NLRP4: variants seen among roughly 807,000 people sequenced by gnomAD.
The protein encoded by NLRP4 is NLR family pyrin domain containing 4, also known as NACHT, LRR and PYD domains-containing protein 4.
In NLRP4, 44 loss-of-function variants were observed where a neutral mutation model predicts 84.7. The observed-to-expected ratio is 0.52, with a 90% CI of 0.41 to 0.67. NLRP4 has a LOEUF of 0.67. Among genes scored for constraint, NLRP4 ranks in the 30% least tolerant of loss-of-function variants. The pLI is 0.00. For synonymous variants in NLRP4, 544 were observed against 476.4 expected (o/e 1.14, Z -1.85); for missense variants, 1,260 against 1,219.4 (o/e 1.03, Z -0.50).
intron 1 of NLRP4, among the ~76,000 whole-genome samples, chr19:55,846,408 G>C (rs1483514725): frequency 1.3e-5 from 2 of 151,986 alleles, no homozygotes; most frequent in African/African-American, 4.8e-5. Flanking sequence ...CTCTGATCTT[G>C]ACACTGTCTC....
At chr19:55,869,385 A>G (rs1182889176) in intron 6 of NLRP4, among the ~76,000 whole-genome samples, 1 of 17,208 alleles carries the variant, frequency 5.8e-5, no homozygotes, top group Non-Finnish European at 1.3e-4. Context: ...AAATAAACCA[A>G]AAAAAAAACA....
intron 6 of NLRP4, among the ~76,000 whole-genome samples, chr19:55,870,394 GC>G (rs1985128801): frequency 6.6e-6 from 1 of 152,218 alleles, no homozygotes; most frequent in South Asian, 2.1e-4. Flanking sequence ...GGACGCGGTG[GC>G]TCACGCCTTG....
chr19:55,841,602 C>CAGG (rs1983615728), intron 1 of NLRP4, among the ~76,000 whole-genome samples: 1 of 152,146 alleles, frequency 6.6e-6, no homozygotes, highest in Non-Finnish European at 1.5e-5. Context: ...GTGGCTCATG[C>CAGG]CTGTAATCCC....
rs971621890 is a variant in NLRP4 at position 55,863,586 on chromosome 19, C to A, written c.2186+1427C>A. On this transcript the variant is annotated intron_variant, in intron 5 of 9. Coordinates refer to ENST00000301295, the MANE Select transcript of NLRP4 (RefSeq NM_134444.5). ...TCACTAGAAACCACCCCCATGATTC[C>A]GTCACCCCCCAGGCCCCTCCTCCAA... is the stretch of plus-strand genomic sequence containing the variant. 9.2e-5 allele frequency among the ~76,000 whole-genome samples: 14 copies of A among 152,206 alleles called. No individual in the cohort carries two copies. In the East Asian group the frequency reaches 1.4e-3, roughly 15 times the overall value.
At position 55,852,344 on chromosome 19, in the gene NLRP4, C is replaced by T; in HGVS notation, c.264C>T (p.Val88=). The T allele has an allele frequency of 6.2e-7, 1 of 1,601,488 alleles. No homozygotes were observed. Among genetic ancestry groups the T allele is most frequent in the Non-Finnish European group, 8.5e-7 (1 of 1,175,880 alleles). Residue 88 remains valine, a synonymous_variant, in exon 2 of 10, where the codon GTC becomes GTT. Transcript: ENST00000301295. ...KMDRKDLCMK[V]MRERTGYTKT... ...ATAGAAAGGATCTCTGCATGAAGGT[C>T]ATGAGGGAGAGAACAGGTGAGGGAG...
chr19:55,865,814 T>C (rs1258448293), intron 5 of NLRP4, among the ~76,000 whole-genome samples: 1 of 152,250 alleles, frequency 6.6e-6, no homozygotes. Flanking sequence ...TTATGTTTTC[T>C]GATTACAAGT....
chr19:55,848,184 T>C (rs1001265446), intron 1 of NLRP4, among the ~76,000 whole-genome samples: 8 of 152,110 alleles, frequency 5.3e-5, no homozygotes, highest in African/African-American at 1.9e-4. Context: ...ACATCATTCA[T>C]GTTGGGTTTG....
chr19:55,841,192 C>T (rs958382296), intron 1 of NLRP4, among the ~76,000 whole-genome samples: 1 of 152,178 alleles, frequency 6.6e-6, no homozygotes, highest in Non-Finnish European at 1.5e-5. Context: ...CTGTTATTTG[C>T]TTTAGTTACC....
intron 3 of NLRP4, 47 bp from the exon 4 acceptor site, chr19:55,861,339 C>T (rs4801635): frequency 0.45 from 713,273 of 1,569,576 alleles, 164,864 homozygotes; most frequent in East Asian, 0.7. Context: ...ACAAGTGGCT[C>T]GTGTTGACCG....
intron 1 of NLRP4, among the ~76,000 whole-genome samples, chr19:55,846,579 A>G (rs1983803373): frequency 6.6e-6 from 1 of 152,226 alleles, no homozygotes; most frequent in Non-Finnish European, 1.5e-5. Flanking sequence ...GATGTTATAT[A>G]ACAGATATAT....
At chr19:55,875,637 C>T (rs552952181) in intron 7 of NLRP4, among the ~76,000 whole-genome samples, 18 of 152,094 alleles carry the variant, frequency 1.2e-4, no homozygotes, top group African/African-American at 3.6e-4. Flanking sequence ...AGTGAAAATG[C>T]GATGTTTTTG....
intron 1 of NLRP4, among the ~76,000 whole-genome samples, chr19:55,850,671 GTGGCTGCGGTGT>G (rs1414858377): frequency 7.6e-6 from 1 of 132,444 alleles, no homozygotes; most frequent in Admixed American, 7.2e-5. Flanking sequence ...TGTAATGTCC[GTGGCTGCGGTGT>G]AATGTCCGTG....
rs1983310230 is a variant in NLRP4, at chr19:55,836,586, C to G, written c.-414C>G. ...CGGTGAGTCAGCGCTTCGTGCTGGG[C>G]TGTTCGTCTCTTCTATGTGCTGATT... On this transcript the variant is annotated 5_prime_UTR_variant, in exon 1 of 10. Coordinates refer to ENST00000301295, the MANE Select transcript of NLRP4 (RefSeq NM_134444.5). The G allele has an allele frequency of 6.6e-6, 1 of 152,424 alleles. No homozygotes were observed. Among genetic ancestry groups the G allele is most frequent in the Non-Finnish European group, 1.5e-5 (1 of 68,132 alleles). 9.4% of individuals were successfully genotyped at this position (152,424 alleles called of 1,614,324 possible). A position where few individuals can be genotyped will look rare whatever the true frequency, so the allele number is the denominator to read the frequency against.
At chr19:55,843,868 A>G (rs892665502) in intron 1 of NLRP4, among the ~76,000 whole-genome samples, 2 of 152,076 alleles carry the variant, frequency 1.3e-5, no homozygotes, top group African/African-American at 4.8e-5. Flanking sequence ...GGAGCCAGTA[A>G]CAAGTGTTAG....
At position 55,858,038 on chromosome 19, in the gene NLRP4, T is replaced by C. The variant is rs767391932; in HGVS notation, c.645T>C (p.Pro215=). 32 of 1,614,026 alleles carry C rather than the reference T, an allele frequency of 2.0e-5. No individual in the cohort carries two copies. Among genetic ancestry groups the C allele is most frequent in the Non-Finnish European group, 3.4e-6 (4 of 1,180,032 alleles). ...ISREWPDPAA[P]ITEIVSQPER... ...GAGAGTGGCCTGACCCCGCTGCTCC[T>C]ATAACAGAGATCGTGTCTCAACCGG... Residue 215 remains proline (P), a synonymous_variant, in exon 3 of 10, where the codon CCT becomes CCC. Coordinates refer to ENST00000301295, the MANE Select transcript of NLRP4 (RefSeq NM_134444.5). The surrounding 1 kb of genome is among the most constrained non-coding windows in gnomAD (Gnocchi z 4.2).
chr19:55,854,507 T>C lies in NLRP4; in HGVS notation c.280+2147T>C, dbSNP rs745939406. ...AATTTTGAGTGCCAGATTTTGAATA[T>C]GAGACATTGAAAATGTTAAGAATCT... On this transcript the variant is annotated intron_variant, in intron 2 of 9. Coordinates refer to ENST00000301295, the MANE Select transcript of NLRP4 (RefSeq NM_134444.5). Among the ~76,000 whole-genome samples, 124 of 152,302 alleles carry C rather than the reference T, an allele frequency of 8.1e-4. 1 individual carries two copies. The highest frequency in any genetic ancestry group is 3.2e-4 in the Non-Finnish European group (22 of 68,018).
intron 7 of NLRP4, 106 bp downstream of exon 7, chr19:55,871,103 G>T: frequency 1.1e-6 from 1 of 921,536 alleles, no homozygotes; most frequent in Non-Finnish European, 1.7e-6. Context: ...TCTGTGCCTG[G>T]GCATGTGAAG....
At chr19:55,864,157 A>G (rs935284996) in intron 5 of NLRP4, among the ~76,000 whole-genome samples, 1 of 152,242 alleles carries the variant, frequency 6.6e-6, no homozygotes, top group African/African-American at 2.4e-5. Flanking sequence ...AAGTACAACC[A>G]TCATGACTGA....
At chr19:55,880,381 G>T (rs552739340) in intron 9 of NLRP4, among the ~76,000 whole-genome samples, 1 of 152,358 alleles carries the variant, frequency 6.6e-6, no homozygotes, top group African/African-American at 2.4e-5. Flanking sequence ...GTCTGTGTTT[G>T]TCTCCTAGCC....
Sources: gnomAD v4.1 joint callset for allele counts (sites outside exome capture counted in the v4.1 genomes callset) on GRCh38, gnomAD v4.1.1 for gene constraint, Gnocchi (gnomAD v3.1) non-coding constraint, MANE v1.5 for transcripts, NCBI Gene and HGNC (gene_info 2026-07-23, HGNC 2026-07-21) for gene names.